The following POLA2 variants were observed in gnomAD, a reference collection of about 807,000 sequenced individuals.
The protein encoded by POLA2 is DNA polymerase alpha 2, accessory subunit.
In POLA2, 47 loss-of-function variants were observed where a neutral mutation model predicts 82.8. That is an observed-to-expected ratio of 0.57 (90% CI 0.45 to 0.72). The LOEUF is 0.72. Ranked by LOEUF, POLA2 falls within the 30% of genes least tolerant of loss-of-function variation. The pLI is 0.00. For synonymous variants in POLA2, 287 were observed against 286.8 expected (o/e 1.00, Z -0.01); for missense variants, 634 against 728.1 (o/e 0.87, Z 1.49).
chr11:65,266,789 G>T, intron 2 of POLA2, 83 bp downstream of exon 2: 2 of 1,467,244 alleles, frequency 1.4e-6, no homozygotes, highest in Non-Finnish European at 1.9e-6. Flanking sequence ...ATTGAGAGGA[G>T]TGTGGGCTTT....
chr11:65,281,215 A>G (rs1949637835), intron 8 of POLA2, 68 bp downstream of exon 8: 2 of 1,487,276 alleles, frequency 1.3e-6, no homozygotes, highest in African/African-American at 1.4e-5. Flanking sequence ...GTGCTGTGCC[A>G]TGCGCAGCTG....
intron 1 of POLA2, among the ~76,000 whole-genome samples, chr11:65,265,201 C>T (rs1949445670): frequency 6.6e-6 from 1 of 151,208 alleles, no homozygotes; most frequent in Non-Finnish European, 1.5e-5. Flanking sequence ...TGCATTCCAG[C>T]CTGGCAACAG....
intron 1 of POLA2, among the ~76,000 whole-genome samples, chr11:65,265,604 C>A (rs925484214): frequency 1.4e-4 from 22 of 152,146 alleles, no homozygotes; most frequent in Non-Finnish European, 2.9e-5. Context: ...CCTCAGCCCC[C>A]AAGTAGCTGT....
intron 13 of POLA2, among the ~76,000 whole-genome samples, chr11:65,290,397 G>A (rs1318838102): frequency 6.6e-6 from 1 of 152,126 alleles, no homozygotes; most frequent in South Asian, 2.1e-4. Flanking sequence ...TTAGCTGGGC[G>A]TGGTGGCACA....
Position 65,294,166 on chromosome 11 carries a change from C to T in POLA2, c.1258C>T (p.Leu420Phe), listed in dbSNP as rs866400198. 1.2e-6 allele frequency: 2 copies of T among 1,613,620 alleles called. No homozygotes were observed. The highest frequency in any genetic ancestry group is 8.5e-7 in the Non-Finnish European group (1 of 1,179,928). ...TTGCCATACTAGCTCCGGCTCCCAC[C>T]TTGTCTTTGTCCCGTCATTGAGAGA... is the stretch of plus-strand genomic sequence containing the variant. Reference protein sequence around the residue: ...IEGTRSSGSHLVFVPSLRDVH... With the variant: ...IEGTRSSGSHFVFVPSLRDVH... Residue 420 changes from leucine to phenylalanine, a missense_variant, in exon 14 of 18, where the codon CTT becomes TTT. Transcript: ENST00000265465.
Position 65,279,462 on chromosome 11 carries a change from C to T in POLA2, c.656-76C>T, listed in dbSNP as rs535683782. 13 of 906,836 alleles carry T rather than the reference C, an allele frequency of 1.4e-5. No homozygotes were observed. The African/African-American group carries it at 1.7e-4, about 12-fold the overall frequency. The allele number at this position is 906,836 out of a possible 1,614,324, so 56.2% of individuals were successfully genotyped here. ...TAAAATGACTGACTTTAATATTTTACAATGTGCTGTATTTTCTCTTCTTGG... is the reference window on the plus strand; with the variant it reads ...TAAAATGACTGACTTTAATATTTTATAATGTGCTGTATTTTCTCTTCTTGG... On this transcript the variant is annotated intron_variant, in intron 6 of 17. Transcript: ENST00000265465.
intron 3 of POLA2, 37 bp from the exon 4 acceptor site, chr11:65,268,635 C>T (rs975715252): frequency 9.2e-6 from 13 of 1,406,850 alleles, no homozygotes; most frequent in Non-Finnish European, 1.2e-5. Flanking sequence ...AGCTACCGTG[C>T]CCAGCCATTA....
chr11:65,301,235 AATG>A (rs1949857840), downstream of POLA2, among the ~76,000 whole-genome samples: 1 of 152,142 alleles, frequency 6.6e-6, no homozygotes, highest in African/African-American at 2.4e-5. Context: ...ATGGGCCCGG[AATG>A]GTGCTTCAGA....
rs977338103 is a variant in POLA2 at position 65,284,629 on chromosome 11, G to A, written c.1006+2108G>A. ...CAACCTCCACCTCCCGGGTTCAAGC[G>A]ATTCTCCTGCCTTAGCCTCCCAAGT... On this transcript the variant is annotated intron_variant, in intron 10 of 17. Coordinates refer to ENST00000265465, the MANE Select transcript of POLA2 (RefSeq NM_002689.4). Among the ~76,000 whole-genome samples, 28 of 151,596 alleles carry A rather than the reference G, an allele frequency of 1.8e-4. No homozygotes were observed. In the East Asian group the frequency reaches 5.4e-3, roughly 29 times the overall value.
downstream of POLA2, among the ~76,000 whole-genome samples, chr11:65,301,690 G>C (rs968596703): frequency 1.3e-5 from 2 of 152,184 alleles, no homozygotes; most frequent in Non-Finnish European, 2.9e-5. Flanking sequence ...CAAGGCAAAA[G>C]GGTGGGACTG....
rs140528858 is a variant in POLA2, at chr11:65,271,881, C to T, written c.354+3152C>T. Among the ~76,000 whole-genome samples, 26 of 151,466 alleles carry T rather than the reference C, an allele frequency of 1.7e-4. No individual in the cohort carries two copies. The East Asian group carries it at 5.0e-3, about 29-fold the overall frequency. ...AAAGTTTGTGACTGTGAATTCCACG[C>T]TAAATGAGTTGGAGTGAAATGTTGA... On this transcript the variant is annotated intron_variant, in intron 4 of 17. Coordinates refer to ENST00000265465, the MANE Select transcript of POLA2 (RefSeq NM_002689.4).
chr11:65,281,151 A>G lies in POLA2; in HGVS notation c.900+4A>G. 1 of 1,613,648 alleles carries G rather than the reference A, an allele frequency of 6.2e-7. No individual in the cohort carries two copies. The highest frequency in any genetic ancestry group is 8.5e-7 in the Non-Finnish European group (1 of 1,179,704). On this transcript the variant is annotated splice_donor_region_variant and intron_variant, in intron 8 of 17. Coordinates refer to ENST00000265465, the MANE Select transcript of POLA2 (RefSeq NM_002689.4). ...ATATTCTCTGTTTCCTGGACAGGTG[A>G]GATTGGAGGAGTTCCACCAGAATGC...
chr11:65,293,484 C>T (rs1473406784), intron 13 of POLA2, among the ~76,000 whole-genome samples: 1 of 151,836 alleles, frequency 6.6e-6, no homozygotes, highest in Non-Finnish European at 1.5e-5. Flanking sequence ...GTGGTGTGCA[C>T]CTGTAGTTGT....
chr11:65,291,984 A>T (rs943695673), intron 13 of POLA2, among the ~76,000 whole-genome samples: 1 of 152,244 alleles, frequency 6.6e-6, no homozygotes, highest in African/African-American at 2.4e-5. Context: ...CACGCCTATA[A>T]TCCCAGCACT....
At chr11:65,297,004 G>A (rs539794968) in intron 17 of POLA2, 116 bp from the exon 18 acceptor site, 27 of 1,048,176 alleles carry the variant, frequency 2.6e-5, no homozygotes, top group Middle Eastern at 4.5e-4. Flanking sequence ...GGTTGCCTTC[G>A]TTTCCATTTT....
rs1167960647 is a variant in POLA2 at position 65,288,518 on chromosome 11, T to TG, written c.1132-532_1132-531insG. Among the ~76,000 whole-genome samples, 75 of 148,308 alleles carry TG rather than the reference T, an allele frequency of 5.1e-4. 1 individual carries two copies. Among genetic ancestry groups the TG allele is most frequent in the South Asian group, 1.5e-3 (7 of 4,668 alleles). ...TATTGTTCGTTTGTTTTTTGTTTTTTTTTTTTTTTTTGGGACAGAGTTTCA... is the reference window on the plus strand; with the variant it reads ...TATTGTTCGTTTGTTTTTTGTTTTTTGTTTTTTTTTTTGGGACAGAGTTTCA... On this transcript the variant is annotated intron_variant, in intron 11 of 17. Transcript: ENST00000265465.
intron 4 of POLA2, among the ~76,000 whole-genome samples, chr11:65,274,326 A>G (rs1359631966): frequency 6.6e-6 from 1 of 151,154 alleles, no homozygotes; most frequent in African/African-American, 2.4e-5. Flanking sequence ...GAGATCGCAC[A>G]TCGCACTCCA....
At chr11:65,293,365 T>C (rs1949775010) in intron 13 of POLA2, among the ~76,000 whole-genome samples, 1 of 152,032 alleles carries the variant, frequency 6.6e-6, no homozygotes, top group Non-Finnish European at 1.5e-5. Context: ...ATCCCAACAC[T>C]TTGGGAGGCC....
chr11:65,292,817 C>A (rs1949769216), intron 13 of POLA2, among the ~76,000 whole-genome samples: 1 of 152,150 alleles, frequency 6.6e-6, no homozygotes, highest in Admixed American at 6.5e-5. Flanking sequence ...CTGAGAAGTC[C>A]ACATGTTTTA....
Sources: gnomAD v4.1 joint callset for allele counts (sites outside exome capture counted in the v4.1 genomes callset) on GRCh38, gnomAD v4.1.1 for gene constraint, MANE v1.5 for transcripts, NCBI Gene and HGNC (gene_info 2026-07-23, HGNC 2026-07-21) for gene names.